PPP2R2C: variants seen among roughly 807,000 people sequenced by gnomAD.
The protein encoded by PPP2R2C is protein phosphatase 2 regulatory subunit Bgamma, also known as protein phosphatase 2, regulatory subunit B, gamma.
PPP2R2C carries 10 observed loss-of-function variants against 45.3 expected under a neutral mutation model. The ratio of observed to expected loss-of-function variants is 0.22; its 90% CI spans 0.14 to 0.37. PPP2R2C has a LOEUF of 0.37. PPP2R2C is among the 10% of genes least tolerant of loss of function. The pLI, the probability that PPP2R2C is intolerant of heterozygous loss-of-function variation, is 1.00. For synonymous variants in PPP2R2C, 257 were observed against 245.4 expected (o/e 1.05, Z -0.44); for missense variants, 308 against 619.7 (o/e 0.50, Z 5.34).
chr4:6,437,202 T>C lies in PPP2R2C; in HGVS notation c.70+34958A>G, dbSNP rs183574247. Among the ~76,000 whole-genome samples the C allele has an allele frequency of 1.9e-3, 287 of 152,344 alleles. 1 individual carries two copies. Among genetic ancestry groups the C allele is most frequent in the African/African-American group, 6.4e-3 (266 of 41,584 alleles). ...ACTTTGCTCACTGATATGACCTTCC[T>C]GGTTTCTTTAGGCATCCAAGTTTTA... On this transcript the variant is annotated intron_variant, in intron 1 of 8. Coordinates refer to ENST00000382599, the MANE Select transcript of PPP2R2C (RefSeq NM_020416.4).
At chr4:6,407,982 A>T (rs917384251) in intron 1 of PPP2R2C, among the ~76,000 whole-genome samples, 4 of 152,208 alleles carry the variant, frequency 2.6e-5, no homozygotes, top group African/African-American at 9.6e-5. Context: ...AAATGTCTCA[A>T]TTACTTTAGA....
intron 1 of PPP2R2C, among the ~76,000 whole-genome samples, chr4:6,406,871 T>C (rs1183617560): frequency 6.6e-6 from 1 of 152,200 alleles, no homozygotes; most frequent in Non-Finnish European, 1.5e-5. Context: ...TTTGAAGACA[T>C]AATTAAGGAT....
intron 2 of PPP2R2C, among the ~76,000 whole-genome samples, chr4:6,477,683 G>A (rs1158959005): frequency 2.1e-5 from 3 of 144,406 alleles, no homozygotes; most frequent in Admixed American, 7.3e-5. Flanking sequence ...CCAAGATCGC[G>A]GCACTGTACT....
intron 1 of PPP2R2C, among the ~76,000 whole-genome samples, chr4:6,437,188 T>G (rs1422677306): frequency 6.6e-6 from 1 of 152,210 alleles, no homozygotes; most frequent in Non-Finnish European, 1.5e-5. Context: ...CTTTGCTCAC[T>G]GATATGACCT....
intron 1 of PPP2R2C, among the ~76,000 whole-genome samples, chr4:6,403,364 C>T (rs568920554): frequency 6.6e-6 from 1 of 152,176 alleles, no homozygotes; most frequent in African/African-American, 2.4e-5. Context: ...TCTTCCTCCT[C>T]GCTTCCTGCC....
intron 6 of PPP2R2C, among the ~76,000 whole-genome samples, chr4:6,342,302 G>T (rs1733514527): frequency 6.6e-6 from 1 of 152,136 alleles, no homozygotes; most frequent in Non-Finnish European, 1.5e-5. Flanking sequence ...GGAGTCAAAA[G>T]TTAAGCATGT....
rs979369747 is a variant in PPP2R2C, at chr4:6,412,150, T to A, written c.71-31056A>T. On this transcript the variant is annotated intron_variant, in intron 1 of 8. Coordinates refer to ENST00000382599, the MANE Select transcript of PPP2R2C (RefSeq NM_020416.4). The stretch of plus-strand genomic sequence containing the variant: ...TGGTCAGCTTGTTTAAAAGATATTT[T>A]GGATCAAAAGTCAGTTTTGATGGCA... 2.0e-5 allele frequency among the ~76,000 whole-genome samples: 3 copies of A among 152,194 alleles called. No individual in the cohort carries two copies. The East Asian group carries it at 5.8e-4, about 29-fold the overall frequency.
intron 1 of PPP2R2C, among the ~76,000 whole-genome samples, chr4:6,463,778 T>C (rs538286728): frequency 6.6e-6 from 1 of 152,354 alleles, no homozygotes; most frequent in East Asian, 1.9e-4. Context: ...CTTCAGTCCC[T>C]GGACCACGTG....
Position 6,479,779 on chromosome 4 carries a change from G to A in PPP2R2C, c.49+55492C>T, listed in dbSNP as rs575002940. ...TTGTTTTAGTGACATATTTTAAATGGACTAAAATGTATTATTACAATCCCC... is the reference window on the plus strand; with the variant it reads ...TTGTTTTAGTGACATATTTTAAATGAACTAAAATGTATTATTACAATCCCC... On this transcript the variant is annotated intron_variant, in intron 2 of 9. Transcript: ENST00000506140. Among the ~76,000 whole-genome samples the A allele has an allele frequency of 4.3e-4, 65 of 151,470 alleles. No homozygotes were observed. In the Middle Eastern group the frequency reaches 0.014, roughly 32 times the overall value.
chr4:6,535,490 G>A (rs983670416), intron 1 of PPP2R2C: 7 of 691,074 alleles, frequency 1.0e-5, no homozygotes, highest in African/African-American at 7.3e-5. Flanking sequence ...CCTGGCCGCC[G>A]CCCGGCACAG....
chr4:6,545,893 A>G (rs1325527225), intron 1 of PPP2R2C, among the ~76,000 whole-genome samples: 4 of 152,164 alleles, frequency 2.6e-5, no homozygotes, highest in African/African-American at 4.8e-5. Flanking sequence ...TGATTTAGCT[A>G]CAAAGGGTTG....
At chr4:6,425,137 G>C (rs1719212982) in intron 1 of PPP2R2C, among the ~76,000 whole-genome samples, 1 of 152,176 alleles carries the variant, frequency 6.6e-6, no homozygotes, top group African/African-American at 2.4e-5. Context: ...GGCAATGCTG[G>C]AACATGAGAG....
intron 7 of PPP2R2C, 141 bp downstream of exon 7, chr4:6,333,421 G>T: frequency 1.0e-6 from 1 of 962,876 alleles, no homozygotes; most frequent in Non-Finnish European, 1.5e-6. Flanking sequence ...GGGATGAGTT[G>T]CTGGATTTCT....
At chr4:6,381,597 C>T (rs961164561) in intron 1 of PPP2R2C, 1 of 1,457,538 alleles carries the variant, frequency 6.9e-7, no homozygotes, top group African/African-American at 1.4e-5. Context: ...TGAATTACCC[C>T]CTCTCCTTCA....
intron 5 of PPP2R2C, chr4:6,349,361 T>C (rs768234953): frequency 2.1e-6 from 2 of 973,986 alleles, no homozygotes; most frequent in African/African-American, 1.8e-5. Context: ...AGCTTCCTCA[T>C]CTGTAAAATG....
chr4:6,390,625 G>C (rs1716555092), intron 1 of PPP2R2C, among the ~76,000 whole-genome samples: 1 of 152,244 alleles, frequency 6.6e-6, no homozygotes, highest in East Asian at 1.9e-4. Context: ...CACTGAGTGA[G>C]TGACGGAAGG....
intron 5 of PPP2R2C, among the ~76,000 whole-genome samples, chr4:6,371,530 A>G (rs1257761073): frequency 6.6e-6 from 1 of 151,654 alleles, no homozygotes; most frequent in Non-Finnish European, 1.5e-5. Context: ...GGGTCTTCCC[A>G]CCCCTTCCAA....
rs911431857 is a variant in PPP2R2C at position 6,384,737 on chromosome 4, T to C, written c.71-3643A>G. ...ATTTACAATTTATATGTCATTTTCA[T>C]ATCTGCTACCTCCTTTAACCTCACG... On this transcript the variant is annotated intron_variant, in intron 1 of 8. Coordinates refer to ENST00000382599, the MANE Select transcript of PPP2R2C (RefSeq NM_020416.4). 2.2e-5 allele frequency: 22 copies of C among 985,500 alleles called. No individual in the cohort carries two copies. In the African/African-American group the frequency reaches 3.0e-4, roughly 13 times the overall value. 61.0% of individuals were successfully genotyped at this position (985,500 alleles called of 1,614,324 possible).
rs369269249 is a variant in PPP2R2C, at chr4:6,423,930, T to TTAGGGTTAGG, written c.71-42837_71-42836insCCTAACCCTA. Among the ~76,000 whole-genome samples the TTAGGGTTAGG allele has an allele frequency of 2.8e-3, 424 of 150,344 alleles. 4 individuals are homozygous for TTAGGGTTAGG. Among genetic ancestry groups the TTAGGGTTAGG allele is most frequent in the Middle Eastern group, 0.011 (3 of 278 alleles). On this transcript the variant is annotated intron_variant, in intron 1 of 8. Coordinates refer to ENST00000382599, the MANE Select transcript of PPP2R2C (RefSeq NM_020416.4). The stretch of plus-strand genomic sequence containing the variant: ...GGGTTAGGGTTAGGGTTAGGGTTAG[T>TTAGGGTTAGG]GTTAGTGTTTCCCTCCTGCACAGAC...
Sources: allele counts gnomAD v4.1 joint callset (sites outside exome capture counted in the v4.1 genomes callset), GRCh38; gene constraint gnomAD v4.1.1; transcripts MANE v1.5; gene names NCBI Gene and HGNC (gene_info 2026-07-23, HGNC 2026-07-21).